The following CHSY3 variants were observed in gnomAD, a reference collection of about 807,000 sequenced individuals.
CHSY3 encodes N-acetylgalactosaminyl-proteoglycan 3-beta-glucuronosyltransferase 3.
A neutral mutation model predicts 67.2 loss-of-function variants in CHSY3; 35 were observed. That is an observed-to-expected ratio of 0.52 (90% CI 0.40 to 0.69). The LOEUF (loss-of-function observed/expected upper bound fraction) is 0.69, where lower values mean the gene tolerates loss of function less well. Among genes scored for constraint, CHSY3 ranks in the 30% least tolerant of loss-of-function variants. The pLI is 0.00. For missense variants in CHSY3, 1,069 were observed against 1,138.5 expected (o/e 0.94, Z 0.88); for synonymous variants, 474 against 434.7 (o/e 1.09, Z -1.12).
intron 2 of CHSY3, chr5:130,114,518 C>T (rs886290228): frequency 2.0e-5 from 3 of 151,988 alleles, no homozygotes; most frequent in Non-Finnish European, 2.9e-5. Context: ...CTTCTAAAAT[C>T]TCTGCATACT....
chr5:129,929,138 A>G (rs954298694), intron 2 of CHSY3, among the ~76,000 whole-genome samples: 2 of 152,228 alleles, frequency 1.3e-5, no homozygotes, highest in South Asian at 4.1e-4. Flanking sequence ...GAAAAGAGGT[A>G]GGTGACAAAG....
chr5:129,957,471 T>C (rs1156545958), intron 2 of CHSY3, among the ~76,000 whole-genome samples: 3 of 152,206 alleles, frequency 2.0e-5, no homozygotes, highest in Non-Finnish European at 4.4e-5. Context: ...TTTTGCCTGA[T>C]TGATCTTCAT....
At chr5:130,163,479 C>G (rs188763565) in intron 2 of CHSY3, among the ~76,000 whole-genome samples, 1 of 152,156 alleles carries the variant, frequency 6.6e-6, no homozygotes, top group Non-Finnish European at 1.5e-5. Flanking sequence ...GACACTTTCC[C>G]TTCAACTTCT....
At chr5:129,913,609 A>C (rs1397437600) in intron 2 of CHSY3, among the ~76,000 whole-genome samples, 4 of 152,212 alleles carry the variant, frequency 2.6e-5, no homozygotes, top group Admixed American at 2.0e-4. Context: ...TTCATAAAAT[A>C]ATTTTAATTC....
At chr5:130,059,466 C>T (rs1214062632) in intron 2 of CHSY3, among the ~76,000 whole-genome samples, 1 of 151,234 alleles carries the variant, frequency 6.6e-6, no homozygotes, top group Non-Finnish European at 1.5e-5. Context: ...CCCAATCTAC[C>T]TCCTTATTTC....
rs1561500418 is a variant in CHSY3, at chr5:130,020,446, TATATATATA to T, written c.1086+112087_1086+112095del. ...AAATATATATATATATATATATATA[TATATATATA>T]TATATATTTTTTTTTTTTTTTTTTC... is the stretch of plus-strand genomic sequence containing the variant. On this transcript the variant is annotated intron_variant, in intron 2 of 2. Coordinates refer to ENST00000305031, the MANE Select transcript of CHSY3 (RefSeq NM_175856.5). Among the ~76,000 whole-genome samples, 20 of 31,888 alleles carry T rather than the reference TATATATATA, an allele frequency of 6.3e-4. 3 individuals are homozygous for T. Among genetic ancestry groups the T allele is most frequent in the Non-Finnish European group, 8.7e-4 (16 of 18,346 alleles). The allele number at this position is 31,888 out of a possible 152,430, so 20.9% of individuals were successfully genotyped here. A position where few individuals can be genotyped will look rare whatever the true frequency, so the allele number is the denominator to read the frequency against.
At chr5:130,123,833 G>A (rs1258061286) in intron 2 of CHSY3, among the ~76,000 whole-genome samples, 12 of 152,064 alleles carry the variant, frequency 7.9e-5, no homozygotes, top group South Asian at 4.1e-4. Flanking sequence ...TGACATGGGC[G>A]GATCACGAGG....
intron 2 of CHSY3, among the ~76,000 whole-genome samples, chr5:130,164,453 G>T (rs989828517): frequency 2.0e-5 from 3 of 152,016 alleles, no homozygotes; most frequent in Non-Finnish European, 2.9e-5. Flanking sequence ...GTCAGGAGAG[G>T]AAACTATATT....
intron 2 of CHSY3, among the ~76,000 whole-genome samples, chr5:130,126,663 C>T (rs1404316987): frequency 6.6e-6 from 1 of 152,148 alleles, no homozygotes; most frequent in East Asian, 1.9e-4. Context: ...TTATGTTTTT[C>T]TCTAGTAGAC....
chr5:130,092,192 A>G (rs1233903637), intron 2 of CHSY3, among the ~76,000 whole-genome samples: 3 of 152,164 alleles, frequency 2.0e-5, no homozygotes, highest in Non-Finnish European at 4.4e-5. Flanking sequence ...CTGAAATCCT[A>G]AAAACACTGG....
At chr5:129,972,855 A>G (rs2149615068) in intron 2 of CHSY3, among the ~76,000 whole-genome samples, 1 of 152,056 alleles carries the variant, frequency 6.6e-6, no homozygotes, top group African/African-American at 2.4e-5. Context: ...TGTGCCTTGC[A>G]TCTTCTCATG....
At chr5:130,117,790 T>C (rs10491275) in intron 2 of CHSY3, among the ~76,000 whole-genome samples, 8,194 of 152,264 alleles carry the variant, frequency 0.054, 626 homozygotes, top group African/African-American at 0.15. Context: ...CAGATCATTT[T>C]TCTTGATGCT....
At chr5:130,050,231 T>C (rs912561410) in intron 2 of CHSY3, among the ~76,000 whole-genome samples, 3 of 152,150 alleles carry the variant, frequency 2.0e-5, no homozygotes, top group Non-Finnish European at 4.4e-5. Flanking sequence ...GGCAGTTGTA[T>C]GTCAATTGTC....
chr5:130,046,409 G>C (rs938024161), intron 2 of CHSY3, among the ~76,000 whole-genome samples: 1 of 152,042 alleles, frequency 6.6e-6, no homozygotes, highest in Non-Finnish European at 1.5e-5. Context: ...TAGTTATTAA[G>C]GTGCTTCAAA....
Position 129,905,004 on chromosome 5 carries a change from G to T in CHSY3, c.175G>T (p.Ala59Ser), listed in dbSNP as rs1409499121. The T allele has an allele frequency of 2.6e-6, 4 of 1,565,146 alleles. No individual in the cohort carries two copies. The highest frequency in any genetic ancestry group is 2.3e-5 in the South Asian group (2 of 86,186). ...GRSAAGPRAG[A>S]QQPLPQPQSR... is the part of the protein sequence containing the mutation. The stretch of plus-strand genomic sequence containing the variant: ...CTCTGCTGCTGGCCCCCGCGCCGGC[G>T]CTCAGCAGCCGCTCCCCCAGCCCCA... The change falls in exon 1 of 3, where the codon GCT becomes TCT. Residue 59 changes from alanine to serine, a missense_variant. Coordinates refer to ENST00000305031, the MANE Select transcript of CHSY3 (RefSeq NM_175856.5).
At chr5:130,083,080 C>T (rs9327546) in intron 2 of CHSY3, among the ~76,000 whole-genome samples, 3,408 of 151,988 alleles carry the variant, frequency 0.022, 126 homozygotes, top group African/African-American at 0.076. Context: ...AGAAATGAGG[C>T]GCTTCAATCA....
At chr5:130,106,437 G>T (rs187392521) in intron 2 of CHSY3, among the ~76,000 whole-genome samples, 1 of 151,718 alleles carries the variant, frequency 6.6e-6, no homozygotes, top group East Asian at 1.9e-4. Flanking sequence ...ACTTTTGTGT[G>T]CTAGGCATTG....
chr5:129,981,171 A>C (rs1762974379), intron 2 of CHSY3, among the ~76,000 whole-genome samples: 1 of 151,674 alleles, frequency 6.6e-6, no homozygotes, highest in Admixed American at 6.6e-5. Context: ...CAGTGAGCCG[A>C]GATTGCGCCA....
At chr5:130,145,645 A>G (rs922772276) in intron 2 of CHSY3, among the ~76,000 whole-genome samples, 2 of 152,190 alleles carry the variant, frequency 1.3e-5, no homozygotes, top group Admixed American at 1.3e-4. Flanking sequence ...CAAAGGAAAC[A>G]ACAGAGTAAG....
Sources: gnomAD v4.1 joint callset for allele counts (sites outside exome capture counted in the v4.1 genomes callset) on GRCh38, gnomAD v4.1.1 for gene constraint, MANE v1.5 for transcripts, NCBI Gene and HGNC (gene_info 2026-07-23, HGNC 2026-07-21) for gene names.